CHCHD3: variants seen among roughly 807,000 people sequenced by gnomAD.
CHCHD3 encodes the protein coiled-coil-helix-coiled-coil-helix domain containing 3.
A neutral mutation model predicts 38.2 loss-of-function variants in CHCHD3; 20 were observed. The ratio of observed to expected loss-of-function variants is 0.52; its 90% CI spans 0.37 to 0.76. The LOEUF (loss-of-function observed/expected upper bound fraction) is 0.76, where lower values mean the gene tolerates loss of function less well. Ranked by LOEUF, CHCHD3 falls within the 30% of genes least tolerant of loss-of-function variation. CHCHD3 has a pLI of 0.00. For missense variants in CHCHD3, 245 were observed against 279.2 expected, an observed-to-expected ratio of 0.88 and a Z score of 0.87; for synonymous variants, 82 against 100.0, an observed-to-expected ratio of 0.82 and a Z score of 1.07.
Position 132,937,287 on chromosome 7 carries a change from A to G in CHCHD3, c.369+37882T>C, listed in dbSNP as rs186630144. On this transcript the variant is annotated intron_variant, in intron 4 of 7. Coordinates refer to ENST00000262570, the MANE Select transcript of CHCHD3 (RefSeq NM_017812.4). ...TAGAAAGATTTGGATTTGCTCATGT[A>G]TACAGCTATCTTAGGTTTAATAGCA... Among the ~76,000 whole-genome samples, 247 of 152,344 alleles carry G rather than the reference A, an allele frequency of 1.6e-3. 1 individual carries two copies. Among genetic ancestry groups the G allele is most frequent in the African/African-American group, 5.7e-3 (235 of 41,580 alleles).
chr7:132,991,811 T>A (rs1812291220), intron 3 of CHCHD3, among the ~76,000 whole-genome samples: 1 of 152,154 alleles, frequency 6.6e-6, no homozygotes, highest in Admixed American at 6.5e-5. Context: ...TATGAGACAA[T>A]CCTGGTCTAT....
At chr7:132,787,082 C>T (rs977310132) in intron 7 of CHCHD3, among the ~76,000 whole-genome samples, 7 of 152,064 alleles carry the variant, frequency 4.6e-5, no homozygotes, top group South Asian at 2.1e-4. Context: ...GGGGAGAAAG[C>T]GGTGGCCAGG....
At chr7:133,079,481 G>C (rs1422001175) in intron 1 of CHCHD3, among the ~76,000 whole-genome samples, 1 of 152,186 alleles carries the variant, frequency 6.6e-6, no homozygotes, top group Non-Finnish European at 1.5e-5. Flanking sequence ...TTAAAACTTT[G>C]CATGTGAAAG....
At chr7:132,987,850 A>G (rs1345157082) in intron 3 of CHCHD3, among the ~76,000 whole-genome samples, 1 of 152,166 alleles carries the variant, frequency 6.6e-6, no homozygotes, top group African/African-American at 2.4e-5. Flanking sequence ...ACCACCAGAG[A>G]CAGCAAGACT....
chr7:132,798,979 C>T (rs919268654), intron 6 of CHCHD3, among the ~76,000 whole-genome samples: 9 of 151,572 alleles, frequency 5.9e-5, no homozygotes, highest in African/African-American at 2.2e-4. Flanking sequence ...ACTTCCAGGG[C>T]TCTTGATTTC....
chr7:132,974,216 G>T (rs1275976138), intron 4 of CHCHD3, among the ~76,000 whole-genome samples: 4 of 152,092 alleles, frequency 2.6e-5, no homozygotes, highest in Non-Finnish European at 5.9e-5. Context: ...AAATAATCTC[G>T]AGGAAAACAC....
chr7:132,821,879 C>T (rs1036390608), intron 6 of CHCHD3, among the ~76,000 whole-genome samples: 3 of 151,330 alleles, frequency 2.0e-5, no homozygotes, highest in Admixed American at 6.6e-5. Context: ...TCTCCTGCCT[C>T]AGCCTCCCCA....
chr7:132,849,338 A>ATTTG lies in CHCHD3; in HGVS notation c.454-10873_454-10870dup, dbSNP rs1808158890. On this transcript the variant is annotated intron_variant, in intron 5 of 7. Transcript: ENST00000262570. Reference sequence around the variant, plus strand: ...CATGTATCTAACATTCAGCATTGCTATTTGTTTTATGTAAGCACTGAACTC... The same window carrying ATTTG: ...CATGTATCTAACATTCAGCATTGCTATTTGTTTGTTTTATGTAAGCACTGAACTC... The ATTTG allele has an allele frequency of 2.0e-5, 3 of 152,328 alleles. No homozygotes were observed. The South Asian group carries it at 6.2e-4, about 32-fold the overall frequency. 9.4% of individuals were successfully genotyped at this position (152,328 alleles called of 1,614,324 possible).
intron 3 of CHCHD3, among the ~76,000 whole-genome samples, chr7:133,022,859 A>G (rs913297481): frequency 2.0e-5 from 3 of 151,118 alleles, no homozygotes; most frequent in African/African-American, 4.8e-5. Flanking sequence ...AGAAGAAGAA[A>G]AAAAAAAAAC....
At chr7:133,040,575 T>C (rs991115880) in intron 2 of CHCHD3, among the ~76,000 whole-genome samples, 3 of 152,146 alleles carry the variant, frequency 2.0e-5, no homozygotes, top group Non-Finnish European at 2.9e-5. Context: ...CCCTAGAAAA[T>C]TTATTGCCCC....
chr7:132,961,105 C>A (rs1389203798), intron 4 of CHCHD3, among the ~76,000 whole-genome samples: 1 of 152,094 alleles, frequency 6.6e-6, no homozygotes, highest in Non-Finnish European at 1.5e-5. Context: ...ATAGTGAGAC[C>A]TCATCTCTAC....
chr7:133,008,700 A>G (rs1812773455), intron 3 of CHCHD3, among the ~76,000 whole-genome samples: 1 of 152,198 alleles, frequency 6.6e-6, no homozygotes, highest in South Asian at 2.1e-4. Flanking sequence ...AGTAAACTAG[A>G]ATAAACATGT....
intron 4 of CHCHD3, among the ~76,000 whole-genome samples, chr7:132,908,899 G>C (rs1353011027): frequency 1.3e-5 from 2 of 152,150 alleles, no homozygotes; most frequent in Non-Finnish European, 2.9e-5. Context: ...TCAAAGCTAT[G>C]TCTAGGGATA....
intron 2 of CHCHD3, among the ~76,000 whole-genome samples, chr7:133,060,796 G>C (rs1449665866): frequency 6.6e-6 from 1 of 152,160 alleles, no homozygotes; most frequent in Non-Finnish European, 1.5e-5. Context: ...TGTAATCCCA[G>C]TTACTCGGGA....
chr7:133,060,991 AGACAAAG>A (rs1814491486), intron 2 of CHCHD3, among the ~76,000 whole-genome samples: 1 of 151,014 alleles, frequency 6.6e-6, no homozygotes, highest in Non-Finnish European at 1.5e-5. Context: ...TCAACACAAC[AGACAAAG>A]GTCTGTCTGC....
At chr7:132,849,765 A>G (rs1585569770) in intron 5 of CHCHD3, among the ~76,000 whole-genome samples, 2 of 152,076 alleles carry the variant, frequency 1.3e-5, no homozygotes, top group African/African-American at 4.8e-5. Flanking sequence ...CTGACAGGGG[A>G]TCTCTTCAGC....
chr7:132,838,610 A>G, intron 5 of CHCHD3, 141 bp from the exon 6 acceptor site: 1 of 602,844 alleles, frequency 1.7e-6, no homozygotes, highest in Non-Finnish European at 3.0e-6. Context: ...TGGCATGGAT[A>G]CTTATAAAAC....
At chr7:133,048,673 T>G (rs542629017) in intron 2 of CHCHD3, among the ~76,000 whole-genome samples, 1 of 151,608 alleles carries the variant, frequency 6.6e-6, no homozygotes, top group South Asian at 2.1e-4. Flanking sequence ...TGTAGGAAAC[T>G]CCCCCCTAAA....
chr7:132,805,845 CTG>C (rs571362554), intron 6 of CHCHD3, among the ~76,000 whole-genome samples: 205 of 152,244 alleles, frequency 1.3e-3, no homozygotes, highest in African/African-American at 4.5e-3. Flanking sequence ...AGAGGAAGGA[CTG>C]AGAGAATCAC....
Sources: allele counts gnomAD v4.1 joint callset (sites outside exome capture counted in the v4.1 genomes callset), GRCh38; gene constraint gnomAD v4.1.1; transcripts MANE v1.5; gene names NCBI Gene and HGNC (gene_info 2026-07-23, HGNC 2026-07-21).